The following ZNF462 variants were observed in gnomAD, a reference collection of about 807,000 sequenced individuals.
ZNF462 encodes the protein zinc finger protein 462.
ZNF462 carries 10 observed loss-of-function variants against 201.9 expected under a neutral mutation model. The ratio of observed to expected loss-of-function variants is 0.05; its 90% CI spans 0.03 to 0.08. ZNF462 has a LOEUF of 0.08. Ranked by LOEUF, ZNF462 falls within the 10% of genes least tolerant of loss-of-function variation. The pLI is 1.00. For missense variants in ZNF462, 2,523 were observed against 3,168.3 expected, an observed-to-expected ratio of 0.80 and a Z score of 4.89; for synonymous variants, 1,227 against 1,193.3, an observed-to-expected ratio of 1.03 and a Z score of -0.58.
chr9:106,924,850 C>T lies in ZNF462; in HGVS notation c.938C>T (p.Pro313Leu). 2 of 1,614,166 alleles carry T rather than the reference C, an allele frequency of 1.2e-6. No homozygotes were observed. The highest frequency in any genetic ancestry group is 8.5e-7 in the Non-Finnish European group (1 of 1,180,028). ...ATGAATGCTGCAAGCCGGGAGATACCCAATACTACCGTCTCCAACTTCAGG... is the reference window on the plus strand; with the variant it reads ...ATGAATGCTGCAAGCCGGGAGATACTCAATACTACCGTCTCCAACTTCAGG... ...LTMNAASREI[P>L]NTTVSNFRGS... Residue 313 changes from proline (P) to leucine (L), a missense_variant, in exon 3 of 13, where the codon CCC becomes CTC. Physicochemically the swap from Pro to Leu is moderately conservative, Grantham distance 98 (BLOSUM62 -3). Around this residue, in one of 15 missense-constraint regions of ZNF462, gnomAD observed 480 missense variants for 544.4 expected, o/e 0.88. Coordinates refer to ENST00000277225, the MANE Select transcript of ZNF462 (RefSeq NM_021224.6). The surrounding 1 kb of genome is among the most constrained non-coding windows in gnomAD (Gnocchi z 6.2).
intron 1 of ZNF462, among the ~76,000 whole-genome samples, chr9:106,882,016 C>CT (rs778012159): frequency 6.6e-6 from 1 of 152,170 alleles, no homozygotes; most frequent in Non-Finnish European, 1.5e-5. Flanking sequence ...ATCCAAATGT[C>CT]TTAACAGTTT....
rs1826867611 is a variant in ZNF462 at position 106,974,750 on chromosome 9, T to C, written c.6832+477T>C. ...AGGGAGAGAGAATTCTTTAAAATAA[T>C]GTATATTATACATTCTAATAATAGT... is the stretch of plus-strand genomic sequence containing the variant. On this transcript the variant is annotated intron_variant, in intron 9 of 12. Transcript: ENST00000277225. This position sits in a 1 kb window ranked among gnomAD's most constrained non-coding sequence, Gnocchi z 4.0. 1 of 215,592 alleles carries C rather than the reference T, an allele frequency of 4.6e-6. No homozygotes were observed. Among genetic ancestry groups the C allele is most frequent in the Non-Finnish European group, 9.5e-6 (1 of 105,814 alleles). 13.4% of individuals were successfully genotyped at this position (215,592 alleles called of 1,614,324 possible). A position where few individuals can be genotyped will look rare whatever the true frequency, so the allele number is the denominator to read the frequency against.
At position 106,898,066 on chromosome 9, in the gene ZNF462, C is replaced by A. The variant is rs569168308; in HGVS notation, c.-30-25288C>A. Reference sequence around the variant, plus strand: ...ATTTATACATTTCTCAAAAGGGATGCATGTTATCATCAGTTTATATTTAAT... The same window carrying A: ...ATTTATACATTTCTCAAAAGGGATGAATGTTATCATCAGTTTATATTTAAT... On this transcript the variant is annotated intron_variant, in intron 1 of 12. Coordinates refer to ENST00000277225, the MANE Select transcript of ZNF462 (RefSeq NM_021224.6). 3.9e-5 allele frequency among the ~76,000 whole-genome samples: 6 copies of A among 152,354 alleles called. No homozygotes were observed. The South Asian group carries it at 1.2e-3, about 32-fold the overall frequency.
In ZNF462 at chr9:106,991,651, C is replaced by T. The variant is rs78563817; in HGVS notation, c.7056+7242C>T. 0.016 allele frequency among the ~76,000 whole-genome samples: 2,421 copies of T among 151,790 alleles called. 76 individuals carry two copies. In the East Asian group the frequency reaches 0.16, roughly 10 times the overall value. ...GATTTCAAAACTCACTGTAAATTGA[C>T]GTAAGATAGATGCATAGATCAGTAG... On this transcript the variant is annotated intron_variant, in intron 10 of 12. Transcript: ENST00000277225.
chr9:107,005,587 C>G lies in ZNF462; in HGVS notation c.7189+2161C>G, dbSNP rs1189611595. Among the ~76,000 whole-genome samples the G allele has an allele frequency of 1.3e-5, 2 of 152,102 alleles. No individual in the cohort carries two copies. The highest frequency in any genetic ancestry group is 2.4e-5 in the African/African-American group (1 of 41,422). On this transcript the variant is annotated intron_variant, in intron 11 of 12. Coordinates refer to ENST00000277225, the MANE Select transcript of ZNF462 (RefSeq NM_021224.6). The surrounding 1 kb of genome is among the most constrained non-coding windows in gnomAD (Gnocchi z 4.4). The stretch of plus-strand genomic sequence containing the variant: ...TCTAATACAGCATGGGTATTAATTC[C>G]TTATCAGATGTATGGTTTGCAAATA...
chr9:107,004,749 T>C (rs920477907), intron 11 of ZNF462, among the ~76,000 whole-genome samples: 5 of 152,170 alleles, frequency 3.3e-5, no homozygotes, highest in African/African-American at 7.2e-5. Context: ...TCTACTCTCT[T>C]AGCAATTGTC....
intron 1 of ZNF462, among the ~76,000 whole-genome samples, chr9:106,873,289 G>A (rs1827677743): frequency 6.6e-6 from 1 of 152,126 alleles, no homozygotes; most frequent in Non-Finnish European, 1.5e-5. Context: ...AATTGTAGAG[G>A]AGATGATAGG....
In ZNF462 at chr9:107,013,233, A is replaced by G. The variant is rs1265595238; in HGVS notation, c.*2203A>G. ...GTTTTGCTAACCTGTTAATAAAAAT[A>G]TGGGACCATTATCCTTTTAACAAGG... is the stretch of plus-strand genomic sequence containing the variant. On this transcript the variant is annotated 3_prime_UTR_variant, in exon 13 of 13. Transcript: ENST00000277225. 3 of 152,202 alleles carry G rather than the reference A, an allele frequency of 2.0e-5. No homozygotes were observed. Among genetic ancestry groups the G allele is most frequent in the African/African-American group, 4.8e-5 (2 of 41,474 alleles). 9.4% of individuals were successfully genotyped at this position (152,202 alleles called of 1,614,324 possible).
rs1252971073 is a variant in ZNF462, at chr9:106,886,917, C to T, written c.-31+23562C>T. On this transcript the variant is annotated intron_variant, in intron 1 of 12. Transcript: ENST00000277225. This position sits in a 1 kb window ranked among gnomAD's most constrained non-coding sequence, Gnocchi z 4.6. ...ATCAAGCAGAGAAGTCTGCAATAGG[C>T]GGGAGAGGGTAAATGACAGGCGGTG... is the stretch of plus-strand genomic sequence containing the variant. 2.0e-5 allele frequency among the ~76,000 whole-genome samples: 3 copies of T among 151,888 alleles called. No homozygotes were observed. Among genetic ancestry groups the T allele is most frequent in the East Asian group, 3.9e-4 (2 of 5,136 alleles).
chr9:106,893,337 T>G (rs1393987318), intron 1 of ZNF462, among the ~76,000 whole-genome samples: 1 of 152,162 alleles, frequency 6.6e-6, no homozygotes, highest in Non-Finnish European at 1.5e-5. Context: ...TTAAAGGAAG[T>G]TGGGGATATT....
rs1831508266 is a variant in ZNF462 at position 106,954,896 on chromosome 9, C to A, written c.6427+15789C>A. Among the ~76,000 whole-genome samples the A allele has an allele frequency of 6.6e-6, 1 of 152,052 alleles. No homozygotes were observed. Among genetic ancestry groups the A allele is most frequent in the South Asian group, 2.1e-4 (1 of 4,818 alleles). Reference sequence around the variant, plus strand: ...GTTTTTGTTATTTTTTTATTCTGAACAATGAATATAAGGCTGCTTCCTTCC... The same window carrying A: ...GTTTTTGTTATTTTTTTATTCTGAAAAATGAATATAAGGCTGCTTCCTTCC... On this transcript the variant is annotated intron_variant, in intron 7 of 12. Transcript: ENST00000277225. This position sits in a 1 kb window ranked among gnomAD's most constrained non-coding sequence, Gnocchi z 4.0.
In ZNF462 at chr9:106,892,530, G is replaced by A. The variant is rs148749728; in HGVS notation, c.-31+29175G>A. 3.4e-4 allele frequency among the ~76,000 whole-genome samples: 51 copies of A among 151,962 alleles called. 1 individual carries two copies. The highest frequency in any genetic ancestry group is 8.7e-4 in the African/African-American group (36 of 41,392). On this transcript the variant is annotated intron_variant, in intron 1 of 12. Transcript: ENST00000277225. ...ACATTTTTTATTGAAAATTTTTACCGTATCTAAGGATTTGTGGGGTTCAAT... is the reference window on the plus strand; with the variant it reads ...ACATTTTTTATTGAAAATTTTTACCATATCTAAGGATTTGTGGGGTTCAAT...
Position 106,886,022 on chromosome 9 carries a change from T to TA in ZNF462, c.-31+22674dup, listed in dbSNP as rs1564076642. ...AGGTAACGTATGCTCAAGGTAGCCT[T>TA]AAAAAAATGTGTGATGCCTATTTTA... On this transcript the variant is annotated intron_variant, in intron 1 of 12. Transcript: ENST00000277225. This position sits in a 1 kb window ranked among gnomAD's most constrained non-coding sequence, Gnocchi z 4.6. Among the ~76,000 whole-genome samples the TA allele has an allele frequency of 3.9e-5, 6 of 152,214 alleles. 1 individual carries two copies. The highest frequency in any genetic ancestry group is 2.1e-4 in the South Asian group (1 of 4,820).
chr9:106,897,958 CA>C (rs1372214352), intron 1 of ZNF462, among the ~76,000 whole-genome samples: 3 of 152,216 alleles, frequency 2.0e-5, no homozygotes, highest in Non-Finnish European at 4.4e-5. Context: ...CCTCCCCCTA[CA>C]AACATACAGC....
At chr9:106,986,380 G>GT (rs1827832624) in intron 10 of ZNF462, among the ~76,000 whole-genome samples, 1 of 152,162 alleles carries the variant, frequency 6.6e-6, no homozygotes, top group Non-Finnish European at 1.5e-5. Flanking sequence ...TTCTGGGTCT[G>GT]TTTTCCAGTT....
At chr9:106,894,539 TA>T (rs1828729686) in intron 1 of ZNF462, among the ~76,000 whole-genome samples, 1 of 152,232 alleles carries the variant, frequency 6.6e-6, no homozygotes, top group African/African-American at 2.4e-5. Context: ...ATTAGCTTTT[TA>T]AATCTCTCAC....
chr9:106,985,618 G>A (rs1270776232), intron 10 of ZNF462, among the ~76,000 whole-genome samples: 2 of 152,164 alleles, frequency 1.3e-5, no homozygotes, highest in African/African-American at 4.8e-5. Context: ...TATCTATTGA[G>A]TATTTACTGA....
At position 106,928,005 on chromosome 9, in the gene ZNF462, G is replaced by A. The variant is rs190490829; in HGVS notation, c.4093G>A (p.Glu1365Lys). ...PSPPSLTMPA[E>K]AKTYRCRDCV... ...CCCTCCCTCTCTCACAATGCCAGCC[G>A]AAGCCAAAACCTACAGATGCAGGGA... The change falls in exon 3 of 13, where the codon GAA (glutamate) becomes AAA (lysine). Residue 1365 changes from glutamate (E) to lysine (K), a missense_variant. Around this residue, in one of 15 missense-constraint regions of ZNF462, gnomAD observed 165 missense variants for 142.6 expected, o/e 1.16. Coordinates refer to ENST00000277225, the MANE Select transcript of ZNF462 (RefSeq NM_021224.6). This position sits in a 1 kb window ranked among gnomAD's most constrained non-coding sequence, Gnocchi z 9.3. 706 of 1,614,160 alleles carry A rather than the reference G, an allele frequency of 4.4e-4. No individual in the cohort carries two copies. Among genetic ancestry groups the A allele is most frequent in the Admixed American group, 9.7e-4 (58 of 60,026 alleles).
chr9:106,869,061 G>C (rs756208778), intron 1 of ZNF462, among the ~76,000 whole-genome samples: 8 of 152,138 alleles, frequency 5.3e-5, no homozygotes, highest in Non-Finnish European at 1.2e-4. Flanking sequence ...CCAAGGGCTT[G>C]GGAGCCCTTC....
Sources: gnomAD v4.1 joint callset for allele counts (sites outside exome capture counted in the v4.1 genomes callset) on GRCh38, gnomAD v4.1.1 for gene constraint, gnomAD v4.1.1 regional missense constraint, Gnocchi (gnomAD v3.1) non-coding constraint, MANE v1.5 for transcripts, NCBI Gene and HGNC (gene_info 2026-07-23, HGNC 2026-07-21) for gene names.